Variants in METTL15 observed in about 807,000 individuals in gnomAD.
METTL15 encodes the protein 12S rRNA N(4)-cytidine methyltransferase METTL15.
A neutral mutation model predicts 38.3 loss-of-function variants in METTL15; 34 were observed. That is an observed-to-expected ratio of 0.89 (90% CI 0.68 to 1.18). The LOEUF is 1.18. METTL15 is among the 50% of genes most tolerant of loss of function. The pLI, the probability that METTL15 is intolerant of heterozygous loss-of-function variation, is 0.00. For missense variants in METTL15, 438 were observed against 498.4 expected (o/e 0.88, Z 1.15); for synonymous variants, 162 against 170.9 (o/e 0.95, Z 0.41).
intron 3 of METTL15, among the ~76,000 whole-genome samples, chr11:28,137,270 C>A (rs573504972): frequency 2.6e-4 from 40 of 152,254 alleles, no homozygotes; most frequent in African/African-American, 9.4e-4. Flanking sequence ...TTTTTATAAA[C>A]CTTCCACTCT....
At chr11:28,525,454 G>T (rs1851802424) in intron 6 of METTL15, among the ~76,000 whole-genome samples, 1 of 152,092 alleles carries the variant, frequency 6.6e-6, no homozygotes, top group South Asian at 2.1e-4. Context: ...GTGCTGATTG[G>T]TGCATTTACA....
intron 5 of METTL15, among the ~76,000 whole-genome samples, chr11:28,372,012 T>A (rs1320711253): frequency 3.3e-5 from 5 of 152,074 alleles, no homozygotes; most frequent in Non-Finnish European, 5.9e-5. Flanking sequence ...TAGTGAGAAC[T>A]TACAGTATTA....
intron 6 of METTL15, among the ~76,000 whole-genome samples, chr11:28,469,399 T>G (rs1480044119): frequency 2.0e-5 from 3 of 152,178 alleles, no homozygotes; most frequent in Non-Finnish European, 4.4e-5. Flanking sequence ...GCACACATAG[T>G]AGTCTTTTTT....
At chr11:28,139,889 T>C (rs1849639185) in intron 3 of METTL15, among the ~76,000 whole-genome samples, 1 of 152,156 alleles carries the variant, frequency 6.6e-6, no homozygotes, top group African/African-American at 2.4e-5. Context: ...TCTATGCAAA[T>C]GGGTTCCTCC....
chr11:28,327,499 C>T (rs1339641047), intron 6 of METTL15: 1 of 152,380 alleles, frequency 6.6e-6, no homozygotes, highest in Non-Finnish European at 1.5e-5. Flanking sequence ...TTAATGTGAA[C>T]ATGATTTATA....
At chr11:28,433,172 G>A (rs4306285) in intron 6 of METTL15, among the ~76,000 whole-genome samples, 1 of 77,190 alleles carries the variant, frequency 1.3e-5, no homozygotes, top group Non-Finnish European at 3.4e-5. Flanking sequence ...TGTTTTTTTT[G>A]TTTTTTTTTG....
At chr11:28,218,183 C>T (rs1473907300) in intron 4 of METTL15, among the ~76,000 whole-genome samples, 3 of 152,092 alleles carry the variant, frequency 2.0e-5, no homozygotes, top group African/African-American at 7.2e-5. Context: ...ATTCTTCCTA[C>T]CCATGAGCAT....
chr11:28,109,624 A>G (rs891005974), intron 1 of METTL15, among the ~76,000 whole-genome samples: 1 of 152,256 alleles, frequency 6.6e-6, no homozygotes, highest in Non-Finnish European at 1.5e-5. Context: ...TTAAGAGAAT[A>G]TCTTAATCCA....
At chr11:28,421,491 C>T (rs1158435516) in intron 5 of METTL15, among the ~76,000 whole-genome samples, 1 of 152,002 alleles carries the variant, frequency 6.6e-6, no homozygotes, top group Non-Finnish European at 1.5e-5. Flanking sequence ...TTCAGCAACA[C>T]TTTGAAAAGA....
chr11:28,141,206 A>G (rs1330788990), intron 3 of METTL15, among the ~76,000 whole-genome samples: 3 of 152,280 alleles, frequency 2.0e-5, no homozygotes, highest in African/African-American at 7.2e-5. Context: ...TTGACTGGGC[A>G]TGAAATCATG....
intron 3 of METTL15, among the ~76,000 whole-genome samples, chr11:28,114,369 C>T (rs1482039033): frequency 2.3e-4 from 35 of 152,076 alleles, no homozygotes; most frequent in Admixed American, 1.8e-3. Context: ...TTTGTTTATC[C>T]GTTAACCAAA....
intron 6 of METTL15, among the ~76,000 whole-genome samples, chr11:28,430,538 G>C (rs1590371922): frequency 2.9e-5 from 1 of 34,690 alleles, no homozygotes; most frequent in African/African-American, 1.1e-4. Flanking sequence ...CGCCCCGTCC[G>C]GGAGGGAGGT....
intron 6 of METTL15, among the ~76,000 whole-genome samples, chr11:28,427,902 C>A (rs575599085): frequency 1.3e-5 from 2 of 152,090 alleles, no homozygotes; most frequent in Non-Finnish European, 2.9e-5. Context: ...ATTAGAATAC[C>A]TTTATTTCTT....
chr11:28,346,278 T>C (rs1849995369), intron 3 of METTL15, among the ~76,000 whole-genome samples: 1 of 152,230 alleles, frequency 6.6e-6, no homozygotes, highest in African/African-American at 2.4e-5. Flanking sequence ...TTTTTGAATC[T>C]ACACTGGGCA....
intron 6 of METTL15, among the ~76,000 whole-genome samples, chr11:28,440,665 A>T (rs1253185080): frequency 6.6e-6 from 1 of 152,226 alleles, no homozygotes; most frequent in African/African-American, 2.4e-5. Context: ...AAAGTGCTCA[A>T]TTCATTGCCT....
At chr11:28,460,139 T>C (rs1344176000) in intron 6 of METTL15, among the ~76,000 whole-genome samples, 1 of 152,040 alleles carries the variant, frequency 6.6e-6, no homozygotes, top group Non-Finnish European at 1.5e-5. Flanking sequence ...ACTTTATTAT[T>C]ATTTTGTAAC....
chr11:28,395,732 C>T lies in METTL15; in HGVS notation c.*359-28567C>T, dbSNP rs149767197. On this transcript the variant is annotated intron_variant and NMD_transcript_variant, in intron 5 of 7. Transcript: ENST00000532947. ...ATCAATACAAAACGAGAGAATCCTC[C>T]GTAACTCATTTTATGAGGCCAGCAT... Among the ~76,000 whole-genome samples the T allele has an allele frequency of 2.3e-4, 35 of 152,244 alleles. No individual in the cohort carries two copies. The East Asian group carries it at 6.2e-3, about 27-fold the overall frequency.
intron 6 of METTL15, among the ~76,000 whole-genome samples, chr11:28,456,393 T>C (rs1192401638): frequency 6.6e-6 from 1 of 152,074 alleles, no homozygotes; most frequent in Admixed American, 6.6e-5. Flanking sequence ...CTCAGGATGC[T>C]ACTTCTTGTA....
chr11:28,408,544 A>T (rs1850696524), intron 5 of METTL15, among the ~76,000 whole-genome samples: 1 of 152,218 alleles, frequency 6.6e-6, no homozygotes, highest in Non-Finnish European at 1.5e-5. Context: ...TTGTAAAAAA[A>T]TAGTTAATAA....
Sources: allele counts gnomAD v4.1 joint callset (sites outside exome capture counted in the v4.1 genomes callset), GRCh38; gene constraint gnomAD v4.1.1; transcripts MANE v1.5; gene names NCBI Gene and HGNC (gene_info 2026-07-23, HGNC 2026-07-21).